The following ZMAT4 variants were observed in gnomAD, a reference collection of about 807,000 sequenced individuals.
ZMAT4 encodes the protein zinc finger matrin-type 4, also known as zinc finger matrin-type protein 4.
A neutral mutation model predicts 28.7 loss-of-function variants in ZMAT4; 17 were observed. The observed-to-expected ratio is 0.59, with a 90% confidence interval of 0.41 to 0.89. The LOEUF (loss-of-function observed/expected upper bound fraction) is 0.89. ZMAT4 is among the 40% of genes least tolerant of loss of function. The pLI, the probability that ZMAT4 is intolerant of heterozygous loss-of-function variation, is 0.00. For synonymous variants in ZMAT4, 117 were observed against 109.2 expected (o/e 1.07, Z -0.44); for missense variants, 240 against 283.8 (o/e 0.85, Z 1.11).
chr8:40,534,987 T>C (rs1238888382), intron 6 of ZMAT4, among the ~76,000 whole-genome samples: 1 of 152,088 alleles, frequency 6.6e-6, no homozygotes, highest in African/African-American at 2.4e-5. Flanking sequence ...CCGGCCCACA[T>C]TTGCTACCTT....
intron 1 of ZMAT4, among the ~76,000 whole-genome samples, chr8:40,862,832 G>C (rs1817553190): frequency 6.6e-6 from 1 of 151,666 alleles, no homozygotes; most frequent in Non-Finnish European, 1.5e-5. Context: ...GCGGTGGGGG[G>C]AGGGGGAGGG....
intron 3 of ZMAT4, among the ~76,000 whole-genome samples, chr8:40,703,559 T>C (rs1351199439): frequency 1.3e-5 from 2 of 152,150 alleles, no homozygotes; most frequent in Non-Finnish European, 2.9e-5. Flanking sequence ...AATTAGTGAT[T>C]GTCTAGGAAT....
chr8:40,636,933 T>C lies in ZMAT4; in HGVS notation c.577+37771A>G, dbSNP rs573302026. Among the ~76,000 whole-genome samples the C allele has an allele frequency of 6.6e-5, 10 of 152,300 alleles. No individual in the cohort carries two copies. In the South Asian group the frequency reaches 1.5e-3, roughly 22 times the overall value. ...GGAGTCACAATACCTATTTCTGATC[T>C]GAGAGCTGCCGAATGCAAAACTAGG... On this transcript the variant is annotated intron_variant, in intron 5 of 6. Coordinates refer to ENST00000297737, the MANE Select transcript of ZMAT4 (RefSeq NM_024645.3).
At chr8:40,581,458 G>A (rs1348838236) in intron 5 of ZMAT4, among the ~76,000 whole-genome samples, 197 bp from the exon 6 acceptor site, 2 of 152,176 alleles carry the variant, frequency 1.3e-5, no homozygotes, top group Non-Finnish European at 2.9e-5. Context: ...GTTAGAAGCA[G>A]CTTATTTCAT....
intron 2 of ZMAT4, among the ~76,000 whole-genome samples, chr8:40,802,426 C>T (rs1814889482): frequency 6.6e-6 from 1 of 151,964 alleles, no homozygotes; most frequent in East Asian, 1.9e-4. Flanking sequence ...TTTTCTATAA[C>T]CAACAGCAAG....
At chr8:40,762,472 G>T (rs1812981751) in intron 3 of ZMAT4, among the ~76,000 whole-genome samples, 1 of 151,976 alleles carries the variant, frequency 6.6e-6, no homozygotes, top group East Asian at 1.9e-4. Context: ...CAGGGAAACA[G>T]CAAGATCCCA....
intron 1 of ZMAT4, among the ~76,000 whole-genome samples, chr8:40,862,119 AC>A (rs1817515065): frequency 1.1e-5 from 1 of 91,520 alleles, no homozygotes; most frequent in Non-Finnish European, 3.0e-5. Context: ...ACACACGCAC[AC>A]GTATGTTTAT....
At chr8:40,742,365 T>C (rs1812047558) in intron 3 of ZMAT4, among the ~76,000 whole-genome samples, 1 of 150,298 alleles carries the variant, frequency 6.7e-6, no homozygotes, top group South Asian at 2.1e-4. Flanking sequence ...TATAAATATA[T>C]ATCACTTGTA....
At chr8:40,841,986 G>T (rs1009882506) in intron 1 of ZMAT4, among the ~76,000 whole-genome samples, 1 of 152,190 alleles carries the variant, frequency 6.6e-6, no homozygotes, top group African/African-American at 2.4e-5. Context: ...AGTGTCTAGA[G>T]CCAAGGGAGG....
intron 1 of ZMAT4, chr8:40,885,044 C>G (rs934552551): frequency 6.6e-6 from 1 of 152,154 alleles, no homozygotes; most frequent in African/African-American, 2.4e-5. Context: ...TCTACACTCA[C>G]TCCCTAGGTG....
intron 4 of ZMAT4, among the ~76,000 whole-genome samples, chr8:40,683,998 G>T (rs575432578): frequency 6.6e-6 from 1 of 151,882 alleles, no homozygotes; most frequent in South Asian, 2.1e-4. Flanking sequence ...ATCCCATAAG[G>T]TCAAGGCTAC....
intron 1 of ZMAT4, among the ~76,000 whole-genome samples, chr8:40,851,920 G>A (rs1186440508): frequency 6.6e-6 from 1 of 152,036 alleles, no homozygotes; most frequent in Non-Finnish European, 1.5e-5. Context: ...TTTTTGAGAT[G>A]GGGTCTCACT....
At chr8:40,668,653 T>C (rs1216472910) in intron 5 of ZMAT4, among the ~76,000 whole-genome samples, 1 of 151,920 alleles carries the variant, frequency 6.6e-6, no homozygotes, top group Non-Finnish European at 1.5e-5. Context: ...AACTCTACTG[T>C]TTTGTGCAAA....
chr8:40,564,511 G>C (rs1234406496), intron 6 of ZMAT4, among the ~76,000 whole-genome samples: 4 of 152,098 alleles, frequency 2.6e-5, no homozygotes, highest in Non-Finnish European at 5.9e-5. Flanking sequence ...AATTATCCCT[G>C]CCTGCAAAGT....
intron 5 of ZMAT4, among the ~76,000 whole-genome samples, chr8:40,645,574 C>T (rs1294890032): frequency 6.6e-6 from 1 of 151,950 alleles, no homozygotes; most frequent in Non-Finnish European, 1.5e-5. Context: ...CATATTGTTG[C>T]CTGGGGAAAA....
At chr8:40,598,725 C>A (rs919188775) in intron 5 of ZMAT4, among the ~76,000 whole-genome samples, 5 of 152,086 alleles carry the variant, frequency 3.3e-5, no homozygotes, top group Admixed American at 3.3e-4. Flanking sequence ...TTTTGGAATT[C>A]TATGTCAACA....
chr8:40,894,955 G>GA (rs1464360939), intron 1 of ZMAT4, among the ~76,000 whole-genome samples: 3 of 152,096 alleles, frequency 2.0e-5, no homozygotes, highest in African/African-American at 7.2e-5. Flanking sequence ...TTCTTTAACA[G>GA]AAAAATCAGC....
chr8:40,873,601 T>C (rs1224342855), intron 1 of ZMAT4, among the ~76,000 whole-genome samples: 1 of 152,182 alleles, frequency 6.6e-6, no homozygotes, highest in Non-Finnish European at 1.5e-5. Flanking sequence ...TTCCTCAGTC[T>C]ACCCATCTCT....
intron 6 of ZMAT4, among the ~76,000 whole-genome samples, chr8:40,575,303 T>G (rs565574714): frequency 6.6e-6 from 1 of 152,086 alleles, no homozygotes; most frequent in Non-Finnish European, 1.5e-5. Flanking sequence ...AGAAACACAA[T>G]TGTGGACCCA....
Sources: gnomAD v4.1 joint callset for allele counts (sites outside exome capture counted in the v4.1 genomes callset) on GRCh38, gnomAD v4.1.1 for gene constraint, MANE v1.5 for transcripts, NCBI Gene and HGNC (gene_info 2026-07-23, HGNC 2026-07-21) for gene names.